The following PLCL2 variants were observed in gnomAD, a reference collection of about 807,000 sequenced individuals.
The protein encoded by PLCL2 is inactive phospholipase C-like protein 2.
In PLCL2, 4 loss-of-function variants were observed where a neutral mutation model predicts 79.6. That is an observed-to-expected ratio of 0.05 (90% CI 0.02 to 0.11). The LOEUF (loss-of-function observed/expected upper bound fraction) is 0.11. Among genes scored for constraint, PLCL2 ranks in the 10% least tolerant of loss-of-function variants. The pLI, the probability that PLCL2 is intolerant of heterozygous loss-of-function variation, is 1.00. For missense variants in PLCL2, 895 were observed against 1,291.0 expected, an observed-to-expected ratio of 0.69 and a Z score of 4.70; for synonymous variants, 484 against 457.7, an observed-to-expected ratio of 1.06 and a Z score of -0.73.
chr3:17,041,934 C>T (rs141482600), intron 3 of PLCL2, among the ~76,000 whole-genome samples: 102 of 151,730 alleles, frequency 6.7e-4, no homozygotes, highest in African/African-American at 2.3e-3. Flanking sequence ...ACAGAACAGA[C>T]CGTGTCTCTT....
Position 16,911,774 on chromosome 3 carries a change from C to T in PLCL2, c.327+26408C>T, listed in dbSNP as rs77399636. ...ATTTGTCCCTTTGTTTTCATGAATA[C>T]AGGCTGAGCATCTGTAATTCAAATA... On this transcript the variant is annotated intron_variant, in intron 1 of 5. Coordinates refer to ENST00000615277, the MANE Select transcript of PLCL2 (RefSeq NM_001144382.2). Among the ~76,000 whole-genome samples, 1,104 of 152,262 alleles carry T rather than the reference C, an allele frequency of 7.3e-3. 18 individuals are homozygous for T. The highest frequency in any genetic ancestry group is 0.024 in the African/African-American group (1,003 of 41,550).
chr3:17,065,557 G>C (rs2065001462), intron 4 of PLCL2, among the ~76,000 whole-genome samples: 1 of 152,142 alleles, frequency 6.6e-6, no homozygotes, highest in Non-Finnish European at 1.5e-5. Flanking sequence ...TACCTTACAG[G>C]TGATCAAGTG....
chr3:16,998,346 T>G (rs1414864265), intron 1 of PLCL2, among the ~76,000 whole-genome samples: 1 of 152,198 alleles, frequency 6.6e-6, no homozygotes, highest in Non-Finnish European at 1.5e-5. Flanking sequence ...TTCAATGCAA[T>G]TTACTAGACA....
chr3:16,900,702 A>T (rs1696597103), intron 1 of PLCL2, among the ~76,000 whole-genome samples: 1 of 152,200 alleles, frequency 6.6e-6, no homozygotes, highest in Admixed American at 6.5e-5. Context: ...GTGGGCTCTC[A>T]CAATGCTCCC....
chr3:17,029,810 A>G (rs561442582), intron 3 of PLCL2, among the ~76,000 whole-genome samples: 1 of 152,040 alleles, frequency 6.6e-6, no homozygotes, highest in Non-Finnish European at 1.5e-5. Flanking sequence ...TCAACCACAC[A>G]CAGCATCCAC....
intron 1 of PLCL2, among the ~76,000 whole-genome samples, chr3:16,892,898 C>G (rs897138028): frequency 6.6e-6 from 1 of 152,182 alleles, no homozygotes; most frequent in Non-Finnish European, 1.5e-5. Flanking sequence ...CCAGGTTTGA[C>G]TGTCCATGTT....
Position 16,891,028 on chromosome 3 carries a change from T to A in PLCL2, c.327+5662T>A, listed in dbSNP as rs1357917749. Among the ~76,000 whole-genome samples the A allele has an allele frequency of 2.0e-5, 3 of 152,210 alleles. No homozygotes were observed. In the South Asian group the frequency reaches 6.2e-4, roughly 32 times the overall value. The stretch of plus-strand genomic sequence containing the variant: ...CTCTTACCACTAGCACTTGGTCCCA[T>A]GGCAGGGGTAATTAGGTGAACCATA... On this transcript the variant is annotated intron_variant, in intron 1 of 5. Coordinates refer to ENST00000615277, the MANE Select transcript of PLCL2 (RefSeq NM_001144382.2).
intron 4 of PLCL2, among the ~76,000 whole-genome samples, chr3:17,066,118 A>T (rs917746604): frequency 1.3e-5 from 2 of 152,134 alleles, no homozygotes; most frequent in African/African-American, 4.8e-5. Context: ...AGAGTGGGGA[A>T]AGTGTGTGTG....
intron 5 of PLCL2, among the ~76,000 whole-genome samples, chr3:17,086,411 T>TA (rs1260421409): frequency 6.6e-6 from 1 of 152,184 alleles, no homozygotes; most frequent in Non-Finnish European, 1.5e-5. Context: ...GCACAAATCT[T>TA]ACACCCTTCA....
chr3:16,966,560 T>C (rs1236265951), intron 1 of PLCL2, among the ~76,000 whole-genome samples: 2 of 152,168 alleles, frequency 1.3e-5, no homozygotes, highest in African/African-American at 4.8e-5. Flanking sequence ...ATACCTTCTT[T>C]TTCTGTTGAT....
chr3:17,089,032 A>C (rs2065248458), intron 5 of PLCL2, among the ~76,000 whole-genome samples: 1 of 152,106 alleles, frequency 6.6e-6, no homozygotes, highest in South Asian at 2.1e-4. Context: ...CTGCGTGCCC[A>C]CGGCTGCCAG....
intron 1 of PLCL2, among the ~76,000 whole-genome samples, chr3:16,918,947 C>G (rs1697060340): frequency 6.6e-6 from 1 of 151,874 alleles, no homozygotes; most frequent in Non-Finnish European, 1.5e-5. Context: ...TCCACTAATC[C>G]CAAAAGTTAA....
intron 1 of PLCL2, among the ~76,000 whole-genome samples, chr3:16,929,017 G>T (rs1211497784): frequency 6.6e-6 from 1 of 152,136 alleles, no homozygotes; most frequent in Non-Finnish European, 1.5e-5. Flanking sequence ...TGGGCAGGGG[G>T]GTGGTGGTGA....
intron 4 of PLCL2, among the ~76,000 whole-genome samples, chr3:17,057,146 A>G (rs1206562495): frequency 6.6e-6 from 1 of 152,176 alleles, no homozygotes; most frequent in Admixed American, 6.6e-5. Flanking sequence ...CTAAAGCCTA[A>G]TTCATGCAAC....
chr3:17,015,574 T>C (rs972508637), intron 3 of PLCL2, among the ~76,000 whole-genome samples: 6 of 152,224 alleles, frequency 3.9e-5, no homozygotes, highest in African/African-American at 9.6e-5. Context: ...ATTTCAAGTG[T>C]ATGATGTAGT....
intron 1 of PLCL2, among the ~76,000 whole-genome samples, chr3:16,900,389 A>G (rs1696589802): frequency 6.6e-6 from 1 of 152,220 alleles, no homozygotes. Context: ...AATTCAGAAG[A>G]AAGAAGCTAT....
At position 17,042,932 on chromosome 3, in the gene PLCL2, T is replaced by C; in HGVS notation, c.3077T>C (p.Val1026Ala). 6.2e-7 allele frequency: 1 copy of C among 1,610,460 alleles called. No homozygotes were observed. The highest frequency in any genetic ancestry group is 8.5e-7 in the Non-Finnish European group (1 of 1,176,788). The change falls in exon 4 of 6, where the codon GTA (valine) becomes GCA (alanine). Residue 1026 changes from valine (V) to alanine (A), a missense_variant. Transcript: ENST00000615277. ...GCAGATGCTGTATATGAAAAGATCG[T>C]ACATTGTCAGAAGGCAGGTAAGTGA... Reference protein sequence around the residue: ...ENADAVYEKIVHCQKAAMEFH... With the variant: ...ENADAVYEKIAHCQKAAMEFH...
intron 1 of PLCL2, among the ~76,000 whole-genome samples, chr3:16,917,548 C>G (rs1418952819): frequency 1.3e-5 from 2 of 152,158 alleles, no homozygotes; most frequent in African/African-American, 4.8e-5. Flanking sequence ...GGCTTCCATA[C>G]TCACATGTTG....
At chr3:16,923,573 C>T (rs1030696652) in intron 1 of PLCL2, among the ~76,000 whole-genome samples, 1 of 152,196 alleles carries the variant, frequency 6.6e-6, no homozygotes, top group African/African-American at 2.4e-5. Flanking sequence ...CACCTGGGGG[C>T]ATGGGGCTTG....
Sources: allele counts gnomAD v4.1 joint callset (sites outside exome capture counted in the v4.1 genomes callset), GRCh38; gene constraint gnomAD v4.1.1; transcripts MANE v1.5; gene names NCBI Gene and HGNC (gene_info 2026-07-23, HGNC 2026-07-21).